The following TXNRD1 variants were observed in gnomAD, a reference collection of about 807,000 sequenced individuals.
The protein encoded by TXNRD1 is thioredoxin reductase 1, cytoplasmic.
Under a neutral mutation model 80.3 loss-of-function variants are expected in TXNRD1, and 57 were observed. The ratio of observed to expected loss-of-function variants is 0.71; its 90% CI spans 0.57 to 0.89. TXNRD1 has a LOEUF of 0.89. Ranked by LOEUF, TXNRD1 falls within the 40% of genes least tolerant of loss-of-function variation. The probability of loss-of-function intolerance (pLI) is 0.00; values close to 1 mark genes in which losing one functional copy is unlikely to be tolerated. For missense variants in TXNRD1, 730 were observed against 803.0 expected (o/e 0.91, Z 1.10); for synonymous variants, 291 against 285.2 (o/e 1.02, Z -0.20).
chr12:104,254,630 G>GGAAAAAAAAAA (rs1555207847), intron 2 of TXNRD1, among the ~76,000 whole-genome samples: 29 of 17,288 alleles, frequency 1.7e-3, no homozygotes, highest in African/African-American at 6.5e-3. Context: ...TATGTCTATG[G>GGAAAAAAAAAA]AAAAAAAAAA....
chr12:104,277,518 G>A (rs2033781618), intron 3 of TXNRD1, among the ~76,000 whole-genome samples: 2 of 152,064 alleles, frequency 1.3e-5, no homozygotes, highest in South Asian at 2.1e-4. Context: ...AGCTATGATT[G>A]TGCCACTGCA....
intron 1 of TXNRD1, chr12:104,224,946 A>G: frequency 4.4e-6 from 2 of 456,504 alleles, no homozygotes; most frequent in South Asian, 1.5e-5. Flanking sequence ...CAGATTTTTT[A>G]CAGTGTATTT....
chr12:104,327,718 T>C lies in TXNRD1; in HGVS notation c.1542+47T>C. The C allele has an allele frequency of 3.2e-6, 5 of 1,569,416 alleles. No individual in the cohort carries two copies. In the South Asian group the frequency reaches 5.9e-5, roughly 19 times the overall value. On this transcript the variant is annotated intron_variant, in intron 13 of 16. Coordinates refer to ENST00000525566, the MANE Select transcript of TXNRD1 (RefSeq NM_001093771.3). ...CATTAGATACTGTTGTCAGTAATACTCCCAGTTCCTTATTTAGGGGGCAGT... is the reference window on the plus strand; with the variant it reads ...CATTAGATACTGTTGTCAGTAATACCCCCAGTTCCTTATTTAGGGGGCAGT...
chr12:104,216,396 C>A (rs2032211897), intron 1 of TXNRD1, among the ~76,000 whole-genome samples: 1 of 152,236 alleles, frequency 6.6e-6, no homozygotes, highest in Non-Finnish European at 1.5e-5. Context: ...GCCTTCCCGG[C>A]CCCCTTTCTC....
chr12:104,276,793 T>G (rs1029837123), intron 3 of TXNRD1: 9 of 152,310 alleles, frequency 5.9e-5, no homozygotes, highest in African/African-American at 2.2e-4. Context: ...TCACTTAAAC[T>G]TGGGTTACTC....
chr12:104,238,406 G>A (rs2032784461), intron 1 of TXNRD1, among the ~76,000 whole-genome samples: 2 of 152,116 alleles, frequency 1.3e-5, no homozygotes, highest in African/African-American at 4.8e-5. Context: ...CACTCAGAAA[G>A]TTAAAGCACC....
chr12:104,304,174 G>T (rs1275776819), intron 4 of TXNRD1: 1 of 1,613,968 alleles, frequency 6.2e-7, no homozygotes, highest in African/African-American at 1.3e-5. Context: ...TTGATGGCGT[G>T]AGCCGAACCA....
chr12:104,318,186 C>T (rs1354691254), intron 7 of TXNRD1, among the ~76,000 whole-genome samples: 2 of 151,988 alleles, frequency 1.3e-5, no homozygotes, highest in Non-Finnish European at 2.9e-5. Flanking sequence ...ACTTTAGTGT[C>T]CTGACTTAAA....
rs1352271836 is a variant in TXNRD1, at chr12:104,215,884, C to G, written c.82C>G (p.Arg28Gly). 1 of 1,555,886 alleles carries G rather than the reference C, an allele frequency of 6.4e-7. No homozygotes were observed. The highest frequency in any genetic ancestry group is 1.9e-5 in the Admixed American group (1 of 51,372). ...QTKGKNGDGR[R>G]RSAKDHHPGK... ...GAAAGGCAAGAACGGCGATGGCCGC[C>G]GTAGGTCAGGTACGACCGAGGGCGA... Residue 28 changes from arginine (R) to glycine (G), a missense_variant, in exon 1 of 17, where the codon CGT becomes GGT. Physicochemically the swap from Arg to Gly is moderately radical, Grantham distance 125. Coordinates refer to ENST00000525566, the MANE Select transcript of TXNRD1 (RefSeq NM_001093771.3).
intron 12 of TXNRD1, 136 bp from the exon 13 acceptor site, chr12:104,327,379 G>T: frequency 2.6e-6 from 2 of 780,040 alleles, no homozygotes; most frequent in Non-Finnish European, 1.9e-6. Flanking sequence ...GAGCTGTTTT[G>T]TTTTATTTTT....
chr12:104,281,595 A>G (rs2033880087), intron 3 of TXNRD1, among the ~76,000 whole-genome samples: 1 of 151,434 alleles, frequency 6.6e-6, no homozygotes, highest in Non-Finnish European at 1.5e-5. Flanking sequence ...TTTAGTAGAG[A>G]TGGGGTTTCA....
At chr12:104,301,115 G>C (rs896148194) in intron 4 of TXNRD1, among the ~76,000 whole-genome samples, 1 of 151,392 alleles carries the variant, frequency 6.6e-6, no homozygotes, top group Non-Finnish European at 1.5e-5. Flanking sequence ...CAAGTTGTGT[G>C]GGCTGTTATC....
At chr12:104,333,531 T>A (rs2036032658) in intron 14 of TXNRD1, among the ~76,000 whole-genome samples, 1 of 152,200 alleles carries the variant, frequency 6.6e-6, no homozygotes, top group South Asian at 2.1e-4. Context: ...TGTTTATTTT[T>A]AAAATTATAT....
At chr12:104,337,941 T>C (rs1042950519) in intron 15 of TXNRD1, among the ~76,000 whole-genome samples, 6 of 147,230 alleles carry the variant, frequency 4.1e-5, no homozygotes, top group African/African-American at 1.5e-4. Flanking sequence ...TGTGAGCCAC[T>C]GTGCCCAGCT....
intron 3 of TXNRD1, among the ~76,000 whole-genome samples, chr12:104,270,655 G>A (rs2033632897): frequency 6.6e-6 from 1 of 151,992 alleles, no homozygotes; most frequent in African/African-American, 2.4e-5. Flanking sequence ...CCTTAATATG[G>A]CCATTATTTG....
chr12:104,243,332 C>T (rs1366442993), intron 1 of TXNRD1, among the ~76,000 whole-genome samples: 2 of 152,098 alleles, frequency 1.3e-5, no homozygotes, highest in Non-Finnish European at 2.9e-5. Flanking sequence ...TCATATCCTA[C>T]AGACTTTCAG....
intron 2 of TXNRD1, among the ~76,000 whole-genome samples, chr12:104,256,293 G>A (rs924241865): frequency 6.6e-6 from 1 of 152,136 alleles, no homozygotes; most frequent in Non-Finnish European, 1.5e-5. Flanking sequence ...GTAGCTTTCC[G>A]CTCTTGCATA....
At chr12:104,316,905 G>A (rs935431648) in intron 7 of TXNRD1, among the ~76,000 whole-genome samples, 4 of 152,014 alleles carry the variant, frequency 2.6e-5, no homozygotes, top group Non-Finnish European at 5.9e-5. Context: ...TGGCTTTTTT[G>A]GGGTTTTAAT....
intron 2 of TXNRD1, 39 bp from the exon 3 acceptor site, chr12:104,257,980 C>T: frequency 6.8e-7 from 1 of 1,460,150 alleles, no homozygotes; most frequent in Non-Finnish European, 9.3e-7. Context: ...GTTATAACCT[C>T]ATTTTTCATT....
Sources: gnomAD v4.1 joint callset for allele counts (sites outside exome capture counted in the v4.1 genomes callset) on GRCh38, gnomAD v4.1.1 for gene constraint, MANE v1.5 for transcripts, NCBI Gene and HGNC (gene_info 2026-07-23, HGNC 2026-07-21) for gene names.